TSPAN7: variants seen among roughly 807,000 people sequenced by gnomAD.
The protein encoded by TSPAN7 is tetraspanin-7.
Under a neutral mutation model 17.6 loss-of-function variants are expected in TSPAN7, and 1 was observed. That is an observed-to-expected ratio of 0.06 (90% CI 0.02 to 0.27). TSPAN7 has a LOEUF of 0.27. TSPAN7 is among the 10% of genes least tolerant of loss of function. The pLI, the probability that TSPAN7 is intolerant of heterozygous loss-of-function variation, is 1.00. For synonymous variants in TSPAN7, 78 were observed against 79.0 expected (o/e 0.99, Z 0.07); for missense variants, 112 against 201.7 (o/e 0.56, Z 2.69).
At chrX:38,612,081 A>G (rs956838771) in intron 1 of TSPAN7, among the ~76,000 whole-genome samples, 1 of 112,251 alleles carries the variant, frequency 8.9e-6, no homozygotes, top group African/African-American at 3.2e-5. Flanking sequence ...AAGCCCACCA[A>G]GTCTCTGGGA....
chrX:38,589,124 G>A (rs1035794227), intron 1 of TSPAN7, among the ~76,000 whole-genome samples: 1 of 111,839 alleles, frequency 8.9e-6, no homozygotes, highest in African/African-American at 3.3e-5. Flanking sequence ...ATTTGGTATT[G>A]CTCAAGCCTT....
chrX:38,664,877 G>A (rs1052857827), intron 1 of TSPAN7, among the ~76,000 whole-genome samples: 1 of 111,603 alleles, frequency 9.0e-6, no homozygotes, highest in Non-Finnish European at 1.9e-5. Flanking sequence ...ACCATTCTTC[G>A]TCCTGCACAC....
chrX:38,672,604 G>A (rs1176894105), intron 3 of TSPAN7, among the ~76,000 whole-genome samples: 1 of 111,406 alleles, frequency 9.0e-6, no homozygotes, highest in African/African-American at 3.3e-5. Context: ...AGTGCCCCTC[G>A]TGCATGTATG....
At chrX:38,605,264 T>C (rs2069372695) in intron 1 of TSPAN7, among the ~76,000 whole-genome samples, 1 of 110,934 alleles carries the variant, frequency 9.0e-6, no homozygotes, top group South Asian at 3.8e-4. Context: ...TATACACCGA[T>C]AACAGACAAA....
intron 1 of TSPAN7, among the ~76,000 whole-genome samples, chrX:38,653,116 AC>A (rs1036770139): frequency 2.7e-5 from 3 of 112,183 alleles, no homozygotes; most frequent in Non-Finnish European, 5.6e-5. Flanking sequence ...GACTTTGAGC[AC>A]GTTGCTGAAA....
chrX:38,594,377 A>C (rs1441284606), intron 1 of TSPAN7, among the ~76,000 whole-genome samples: 1 of 111,017 alleles, frequency 9.0e-6, no homozygotes, highest in Admixed American at 9.6e-5. Flanking sequence ...CCTTCCCCCA[A>C]ACACACTGGG....
chrX:38,628,161 A>AC (rs756909747), intron 1 of TSPAN7, among the ~76,000 whole-genome samples: 84 of 111,741 alleles, frequency 7.5e-4, no homozygotes, highest in Non-Finnish European at 1.4e-3. Flanking sequence ...CTCTTTTTAT[A>AC]CCCCCCTCCA....
intron 6 of TSPAN7, among the ~76,000 whole-genome samples, chrX:38,681,800 G>A (rs72620799): frequency 0.014 from 1,521 of 111,450 alleles, 58 homozygotes; most frequent in Admixed American, 0.098. Flanking sequence ...ATTCTTATGT[G>A]GTTTCTTAAG....
intron 1 of TSPAN7, among the ~76,000 whole-genome samples, chrX:38,588,388 A>G (rs771771440): frequency 3.6e-5 from 4 of 111,814 alleles, no homozygotes; most frequent in African/African-American, 1.3e-4. Flanking sequence ...CAGAATAACC[A>G]TAGGAATCTT....
At chrX:38,673,241 T>A (rs369395463) in intron 3 of TSPAN7, among the ~76,000 whole-genome samples, 2 of 111,916 alleles carry the variant, frequency 1.8e-5, no homozygotes, top group African/African-American at 6.5e-5. Context: ...TGGGGGTCAG[T>A]TTTATCAATA....
At chrX:38,629,553 GGATGCAT>G (rs1293718149) in intron 1 of TSPAN7, among the ~76,000 whole-genome samples, 1 of 111,598 alleles carries the variant, frequency 9.0e-6, no homozygotes, top group Non-Finnish European at 1.9e-5. Context: ...GTATTTATGT[GGATGCAT>G]ACACACGATA....
chrX:38,621,322 G>T (rs1157472909), intron 1 of TSPAN7, among the ~76,000 whole-genome samples: 1 of 112,130 alleles, frequency 8.9e-6, no homozygotes, highest in African/African-American at 3.2e-5. Context: ...AGGTATACCT[G>T]GTTATTTTGT....
intron 1 of TSPAN7, among the ~76,000 whole-genome samples, chrX:38,569,055 G>C (rs2069156742): frequency 9.0e-6 from 1 of 111,103 alleles, no homozygotes; most frequent in Non-Finnish European, 1.9e-5. Flanking sequence ...AGACTGTTCT[G>C]TTTTCTGGCA....
At chrX:38,608,015 T>C (rs991244294) in intron 1 of TSPAN7, among the ~76,000 whole-genome samples, 2 of 110,685 alleles carry the variant, frequency 1.8e-5, no homozygotes, top group African/African-American at 6.6e-5. Flanking sequence ...TGGTCCCTGG[T>C]AGGGAAGGAC....
At chrX:38,576,970 T>C (rs1043259989) in intron 1 of TSPAN7, among the ~76,000 whole-genome samples, 2 of 110,962 alleles carry the variant, frequency 1.8e-5, no homozygotes, top group African/African-American at 6.6e-5. Context: ...TGGGTTGAAA[T>C]AGGAAAAGCA....
intron 1 of TSPAN7, among the ~76,000 whole-genome samples, chrX:38,642,914 C>A (rs1267453361): frequency 1.8e-5 from 2 of 111,156 alleles, no homozygotes; most frequent in Non-Finnish European, 3.8e-5. Flanking sequence ...GTTCCTAGCC[C>A]ATGGCAGTGC....
rs968843414 is a variant in TSPAN7, at chrX:38,631,789, A to G, written c.82-34332A>G. ...CCCAGGTTTAAATGGAGTAATTGCT[A>G]CACTTTCAAGACATCTGTCTGTTGC... On this transcript the variant is annotated intron_variant, in intron 1 of 7. Coordinates refer to ENST00000378482, the MANE Select transcript of TSPAN7 (RefSeq NM_004615.4). Among the ~76,000 whole-genome samples the G allele has an allele frequency of 2.7e-5, 3 of 111,755 alleles. No homozygotes were observed. In the Admixed American group the frequency reaches 2.9e-4, roughly 11 times the overall value.
intron 1 of TSPAN7, among the ~76,000 whole-genome samples, chrX:38,634,743 G>A (rs140912839): frequency 5.4e-5 from 6 of 111,231 alleles, no homozygotes; most frequent in Non-Finnish European, 1.1e-4. Flanking sequence ...CACATTTATT[G>A]ATACAACTCT....
At chrX:38,653,318 G>A (rs1460226170) in intron 1 of TSPAN7, among the ~76,000 whole-genome samples, 1 of 111,474 alleles carries the variant, frequency 9.0e-6, no homozygotes, top group Non-Finnish European at 1.9e-5. Flanking sequence ...GCTGTGGGGT[G>A]AGCAGATACG....
Sources: gnomAD v4.1 joint callset for allele counts (sites outside exome capture counted in the v4.1 genomes callset) on GRCh38, gnomAD v4.1.1 for gene constraint, MANE v1.5 for transcripts, NCBI Gene and HGNC (gene_info 2026-07-23, HGNC 2026-07-21) for gene names.